SAMD4A: variants seen among roughly 807,000 people sequenced by gnomAD.
SAMD4A encodes sterile alpha motif domain containing 4A, also known as protein Smaug homolog 1.
Under a neutral mutation model 81.3 loss-of-function variants are expected in SAMD4A, and 33 were observed. That is an observed-to-expected ratio of 0.41 (90% CI 0.31 to 0.54). The LOEUF is 0.54. Among genes scored for constraint, SAMD4A ranks in the 20% least tolerant of loss-of-function variants. SAMD4A has a pLI of 0.37. For synonymous variants in SAMD4A, 389 were observed against 382.1 expected (o/e 1.02, Z -0.21); for missense variants, 854 against 951.1 (o/e 0.90, Z 1.34).
intron 12 of SAMD4A, among the ~76,000 whole-genome samples, chr14:54,787,716 A>C (rs1160401988): frequency 6.6e-6 from 1 of 152,228 alleles, no homozygotes; most frequent in Non-Finnish European, 1.5e-5. Context: ...CTCTCTGCTC[A>C]CTGGAAAAAA....
intron 5 of SAMD4A, among the ~76,000 whole-genome samples, chr14:54,750,768 T>G (rs899488804): frequency 6.6e-5 from 10 of 152,192 alleles, no homozygotes; most frequent in Non-Finnish European, 2.9e-5. Context: ...TTAGGGAAAC[T>G]GAGAGGGGCT....
intron 2 of SAMD4A, among the ~76,000 whole-genome samples, chr14:54,701,540 C>CT (rs959755720): frequency 2.0e-5 from 3 of 152,168 alleles, no homozygotes; most frequent in African/African-American, 7.2e-5. Flanking sequence ...GAGGGGAGCT[C>CT]TTTTTTTCCC....
chr14:54,640,488 C>A (rs1448233450), intron 2 of SAMD4A, among the ~76,000 whole-genome samples: 1 of 152,122 alleles, frequency 6.6e-6, no homozygotes, highest in Admixed American at 6.6e-5. Context: ...GAAACCTGTG[C>A]TGAGTGGAAA....
chr14:54,571,979 A>G (rs1349520537), intron 2 of SAMD4A, among the ~76,000 whole-genome samples: 1 of 152,204 alleles, frequency 6.6e-6, no homozygotes, highest in African/African-American at 2.4e-5. Context: ...CAAATGGCAT[A>G]AAAAGAAAGC....
intron 3 of SAMD4A, among the ~76,000 whole-genome samples, chr14:54,736,230 C>T (rs140444005): frequency 7.9e-4 from 121 of 152,324 alleles, no homozygotes; most frequent in African/African-American, 2.8e-3. Flanking sequence ...AAGATGGGGG[C>T]TGCGCAGATG....
intron 3 of SAMD4A, among the ~76,000 whole-genome samples, chr14:54,715,214 C>T (rs1354127594): frequency 6.6e-6 from 1 of 152,036 alleles, no homozygotes; most frequent in Non-Finnish European, 1.5e-5. Context: ...AAAAAATTGC[C>T]ATAGTGAATT....
chr14:54,734,789 G>A (rs7156891), intron 3 of SAMD4A, among the ~76,000 whole-genome samples: 121,587 of 152,192 alleles, frequency 0.8, 49,745 homozygotes, highest in Non-Finnish European at 0.89. Flanking sequence ...CAGCATCCAT[G>A]TGAAGATGAG....
intron 3 of SAMD4A, among the ~76,000 whole-genome samples, chr14:54,704,266 C>T (rs1178044295): frequency 6.6e-6 from 1 of 152,204 alleles, no homozygotes; most frequent in African/African-American, 2.4e-5. Flanking sequence ...AGATGACAGT[C>T]TCTTGGTCTA....
chr14:54,568,969 C>T lies in SAMD4A; in HGVS notation c.196+857C>T, dbSNP rs892694530. On this transcript the variant is annotated intron_variant, in intron 2 of 12. Coordinates refer to ENST00000554335, the MANE Select transcript of SAMD4A (RefSeq NM_015589.6). ...GAAAGGTCCAGCAGTTTCCTATTTG[C>T]TAGCGTGGGTGGTGACAGACTGAAA... is the stretch of plus-strand genomic sequence containing the variant. Among the ~76,000 whole-genome samples, 14 of 151,782 alleles carry T rather than the reference C, an allele frequency of 9.2e-5. No homozygotes were observed. The East Asian group carries it at 2.7e-3, about 29-fold the overall frequency.
chr14:54,746,754 T>C (rs1279217565), intron 4 of SAMD4A, among the ~76,000 whole-genome samples: 1 of 152,238 alleles, frequency 6.6e-6, no homozygotes, highest in Non-Finnish European at 1.5e-5. Context: ...TTCTCTTTTG[T>C]GATGAATTGT....
intron 2 of SAMD4A, among the ~76,000 whole-genome samples, chr14:54,668,196 A>G (rs1285946069): frequency 6.6e-6 from 1 of 152,042 alleles, no homozygotes; most frequent in African/African-American, 2.4e-5. Flanking sequence ...CCTACATACA[A>G]CTTGTGCCTT....
chr14:54,656,729 G>A (rs776792466), intron 2 of SAMD4A, among the ~76,000 whole-genome samples: 6 of 152,056 alleles, frequency 3.9e-5, no homozygotes, highest in East Asian at 1.9e-4. Context: ...CTGGGTTTAC[G>A]CCATTCTCCT....
chr14:54,667,955 CAT>C (rs1224861753), intron 2 of SAMD4A, among the ~76,000 whole-genome samples: 1 of 152,228 alleles, frequency 6.6e-6, no homozygotes, highest in Non-Finnish European at 1.5e-5. Context: ...CTCTGTTTCT[CAT>C]GCCTTCCTGG....
intron 12 of SAMD4A, 44 bp downstream of exon 12, chr14:54,784,664 G>C: frequency 6.4e-7 from 1 of 1,555,098 alleles, no homozygotes; most frequent in Non-Finnish European, 8.9e-7. Context: ...CTGTTACCGT[G>C]TGCCTGGGAG....
At chr14:54,764,568 A>ATTT in intron 8 of SAMD4A, 28 bp downstream of exon 8, 1 of 1,239,156 alleles carries the variant, frequency 8.1e-7, no homozygotes, top group Non-Finnish European at 1.1e-6. Flanking sequence ...TTACAAAACC[A>ATTT]TTTTTTTTTT....
intron 2 of SAMD4A, among the ~76,000 whole-genome samples, chr14:54,570,375 T>G (rs1490756627): frequency 6.6e-6 from 1 of 152,192 alleles, no homozygotes; most frequent in Non-Finnish European, 1.5e-5. Flanking sequence ...GTAGATAGCA[T>G]GAAAGTCCAA....
chr14:54,625,322 C>T (rs1275512598), intron 2 of SAMD4A, among the ~76,000 whole-genome samples: 1 of 152,230 alleles, frequency 6.6e-6, no homozygotes, highest in Admixed American at 6.5e-5. Flanking sequence ...ACTTGCTGCG[C>T]AATTACTCCT....
chr14:54,676,603 A>C (rs571864689), intron 2 of SAMD4A, among the ~76,000 whole-genome samples: 1 of 152,214 alleles, frequency 6.6e-6, no homozygotes, highest in African/African-American at 2.4e-5. Context: ...GGCTGGTCTC[A>C]AACTCCTGAC....
chr14:54,735,682 A>T (rs1327455826), intron 3 of SAMD4A, among the ~76,000 whole-genome samples: 1 of 152,156 alleles, frequency 6.6e-6, no homozygotes, highest in African/African-American at 2.4e-5. Context: ...TGCCCCAGAC[A>T]CACTTTCTGG....
Sources: gnomAD v4.1 joint callset for allele counts (sites outside exome capture counted in the v4.1 genomes callset) on GRCh38, gnomAD v4.1.1 for gene constraint, MANE v1.5 for transcripts, NCBI Gene and HGNC (gene_info 2026-07-23, HGNC 2026-07-21) for gene names.